The following LRP1B variants were observed in gnomAD, a reference collection of about 807,000 sequenced individuals.
LRP1B encodes LDL receptor related protein 1B, also known as low-density lipoprotein receptor-related protein 1B.
A neutral mutation model predicts 556.6 loss-of-function variants in LRP1B; 217 were observed. The ratio of observed to expected loss-of-function variants is 0.39; its 90% CI spans 0.35 to 0.44. LRP1B has a LOEUF of 0.44. LRP1B is among the 20% of genes least tolerant of loss of function. LRP1B has a pLI of 1.00. For synonymous variants in LRP1B, 2,047 were observed against 1,865.8 expected, an observed-to-expected ratio of 1.10 and a Z score of -2.50; for missense variants, 5,053 against 5,620.8, an observed-to-expected ratio of 0.90 and a Z score of 3.23.
At chr2:141,974,081 T>C (rs1470717691) in intron 1 of LRP1B, among the ~76,000 whole-genome samples, 1 of 151,934 alleles carries the variant, frequency 6.6e-6, no homozygotes, top group East Asian at 1.9e-4. Context: ...GCCCATCCCA[T>C]AGACAGTGTA....
At chr2:142,076,915 A>G (rs1705521664) in intron 1 of LRP1B, among the ~76,000 whole-genome samples, 1 of 152,126 alleles carries the variant, frequency 6.6e-6, no homozygotes, top group Middle Eastern at 3.2e-3. Flanking sequence ...TTCATATGAC[A>G]TCATTTGAGG....
In LRP1B at chr2:140,686,436, G is replaced by A. The variant is rs78766165; in HGVS notation, c.6799+13814C>T. 2.9e-4 allele frequency among the ~76,000 whole-genome samples: 44 copies of A among 152,122 alleles called. 1 individual carries two copies. The highest frequency in any genetic ancestry group is 9.9e-4 in the African/African-American group (41 of 41,520). On this transcript the variant is annotated intron_variant, in intron 41 of 90. Coordinates refer to ENST00000389484, the MANE Select transcript of LRP1B (RefSeq NM_018557.3). ...ATAATGGTGAAGATTGATAAGAAAA[G>A]TAGTTAGTGAATAAATGGCTCAGGG...
chr2:140,913,946 A>C (rs1216231930), intron 21 of LRP1B, among the ~76,000 whole-genome samples: 3 of 152,096 alleles, frequency 2.0e-5, no homozygotes, highest in Non-Finnish European at 4.4e-5. Flanking sequence ...TGTTATCTAA[A>C]GGTATAAAAG....
chr2:141,954,399 T>C (rs1701192621), intron 1 of LRP1B, among the ~76,000 whole-genome samples: 1 of 152,110 alleles, frequency 6.6e-6, no homozygotes, highest in African/African-American at 2.4e-5. Flanking sequence ...CAGTATTTAT[T>C]GCAGGGAAGT....
At chr2:141,970,261 C>T (rs1701691523) in intron 1 of LRP1B, among the ~76,000 whole-genome samples, 1 of 151,546 alleles carries the variant, frequency 6.6e-6, no homozygotes, top group African/African-American at 2.4e-5. Flanking sequence ...TGACATTTTA[C>T]ATACCAATAT....
intron 1 of LRP1B, among the ~76,000 whole-genome samples, chr2:141,863,937 G>A (rs1698328532): frequency 6.6e-6 from 1 of 151,964 alleles, no homozygotes; most frequent in African/African-American, 2.4e-5. Flanking sequence ...ACAATATATT[G>A]CCTATGTCTA....
chr2:141,959,907 CAGGT>C (rs1204068935), intron 1 of LRP1B, among the ~76,000 whole-genome samples: 2 of 151,874 alleles, frequency 1.3e-5, no homozygotes, highest in Admixed American at 1.3e-4. Flanking sequence ...GCTTCTAAGA[CAGGT>C]AGTCATCAAC....
intron 3 of LRP1B, among the ~76,000 whole-genome samples, chr2:141,270,793 C>T (rs1464279373): frequency 1.3e-5 from 2 of 151,762 alleles, no homozygotes; most frequent in Non-Finnish European, 2.9e-5. Flanking sequence ...AAACAAGAAA[C>T]AAGAATCCAT....
At chr2:141,389,131 C>T (rs1184578849) in intron 3 of LRP1B, among the ~76,000 whole-genome samples, 5 of 152,016 alleles carry the variant, frequency 3.3e-5, no homozygotes, top group Admixed American at 2.6e-4. Flanking sequence ...AAAGCCAATC[C>T]TCAAATTCTT....
At chr2:140,821,288 A>G (rs1275515207) in intron 31 of LRP1B, among the ~76,000 whole-genome samples, 1 of 152,216 alleles carries the variant, frequency 6.6e-6, no homozygotes, top group East Asian at 1.9e-4. Flanking sequence ...TTAAATGAGT[A>G]AATGAATAAT....
chr2:141,399,252 T>C (rs1690358989), intron 3 of LRP1B, among the ~76,000 whole-genome samples: 1 of 152,008 alleles, frequency 6.6e-6, no homozygotes, highest in South Asian at 2.1e-4. Flanking sequence ...CGGGACTCTG[T>C]CTCGAAATAA....
chr2:140,598,524 G>T, intron 43 of LRP1B, 107 bp downstream of exon 43: 1 of 770,248 alleles, frequency 1.3e-6, no homozygotes, highest in Non-Finnish European at 2.1e-6. Context: ...TCAATCAACT[G>T]GCTATTTTGA....
chr2:141,175,743 T>C (rs532154247), intron 7 of LRP1B, among the ~76,000 whole-genome samples: 8 of 151,990 alleles, frequency 5.3e-5, no homozygotes, highest in Admixed American at 5.2e-4. Context: ...ATTACCACCA[T>C]CCTCCAGACG....
At chr2:141,006,220 G>A (rs992998502) in intron 14 of LRP1B, among the ~76,000 whole-genome samples, 6 of 152,026 alleles carry the variant, frequency 3.9e-5, no homozygotes, top group Admixed American at 3.3e-4. Flanking sequence ...TAAACGTAAT[G>A]TATAGTAATC....
At chr2:141,348,947 T>A (rs1041101410) in intron 3 of LRP1B, among the ~76,000 whole-genome samples, 4 of 151,976 alleles carry the variant, frequency 2.6e-5, no homozygotes, top group Admixed American at 6.6e-5. Flanking sequence ...CCTGCTGCCA[T>A]CCATGTATGA....
At chr2:140,730,391 TG>T (rs1239794556) in intron 35 of LRP1B, among the ~76,000 whole-genome samples, 2 of 152,206 alleles carry the variant, frequency 1.3e-5, no homozygotes, top group Admixed American at 6.5e-5. Context: ...CAAACTTTTT[TG>T]ATGACTAAAA....
intron 25 of LRP1B, among the ~76,000 whole-genome samples, chr2:140,873,966 G>C (rs1452789455): frequency 6.6e-6 from 1 of 151,650 alleles, no homozygotes; most frequent in African/African-American, 2.4e-5. Flanking sequence ...AGCTTAAAGA[G>C]AAATAATTTT....
intron 3 of LRP1B, among the ~76,000 whole-genome samples, chr2:141,447,561 G>GTCTT (rs997167314): frequency 3.9e-5 from 6 of 152,064 alleles, no homozygotes; most frequent in Non-Finnish European, 8.8e-5. Context: ...TCTACCTTTG[G>GTCTT]TCTTTGATGT....
At chr2:141,651,542 G>GT (rs1310692297) in intron 2 of LRP1B, among the ~76,000 whole-genome samples, 37 of 152,190 alleles carry the variant, frequency 2.4e-4, no homozygotes, top group African/African-American at 8.2e-4. Flanking sequence ...GTGCATGCCT[G>GT]TAATACCAAC....
Sources: gnomAD v4.1 joint callset for allele counts (sites outside exome capture counted in the v4.1 genomes callset) on GRCh38, gnomAD v4.1.1 for gene constraint, MANE v1.5 for transcripts, NCBI Gene and HGNC (gene_info 2026-07-23, HGNC 2026-07-21) for gene names.